NFYC: variants seen among roughly 807,000 people sequenced by gnomAD.
The protein encoded by NFYC is CAAT box DNA-binding protein subunit C.
Under a neutral mutation model 53.1 loss-of-function variants are expected in NFYC, and 25 were observed. The ratio of observed to expected loss-of-function variants is 0.47; its 90% CI spans 0.34 to 0.66. The LOEUF is 0.66. Among genes scored for constraint, NFYC ranks in the 30% least tolerant of loss-of-function variants. The probability of loss-of-function intolerance (pLI) is 0.01; values close to 1 mark genes in which losing one functional copy is unlikely to be tolerated. For synonymous variants in NFYC, 145 were observed against 152.6 expected (o/e 0.95, Z 0.37); for missense variants, 260 against 422.7 (o/e 0.62, Z 3.38).
At chr1:40,722,336 T>G (rs1332430160) in intron 1 of NFYC, among the ~76,000 whole-genome samples, 2 of 152,204 alleles carry the variant, frequency 1.3e-5, no homozygotes, top group East Asian at 3.8e-4. Context: ...TTGGAACTAG[T>G]ACATTTGTTC....
intron 1 of NFYC, among the ~76,000 whole-genome samples, chr1:40,719,512 T>C (rs962114983): frequency 6.6e-6 from 1 of 152,252 alleles, no homozygotes; most frequent in Non-Finnish European, 1.5e-5. Context: ...ATCTCCACTT[T>C]TGTTTGGTAG....
chr1:40,707,492 A>AT (rs1209367200), intron 1 of NFYC, among the ~76,000 whole-genome samples: 1 of 104,644 alleles, frequency 9.6e-6, no homozygotes, highest in East Asian at 2.4e-4. Flanking sequence ...AAAAAAAAAA[A>AT]AAGAGAGAGA....
chr1:40,706,311 G>T (rs1643690824), intron 1 of NFYC, among the ~76,000 whole-genome samples: 3 of 152,078 alleles, frequency 2.0e-5, no homozygotes, highest in African/African-American at 7.2e-5. Context: ...GAGGGGTAAA[G>T]TCTGTAATAT....
intron 2 of NFYC, among the ~76,000 whole-genome samples, chr1:40,745,214 T>C (rs1645547869): frequency 1.3e-5 from 2 of 152,192 alleles, no homozygotes; most frequent in African/African-American, 4.8e-5. Flanking sequence ...AAGAGGTCTT[T>C]TTTATCAACT....
intron 1 of NFYC, chr1:40,730,452 G>C: frequency 2.3e-6 from 1 of 432,380 alleles, no homozygotes; most frequent in Non-Finnish European, 3.1e-6. Flanking sequence ...AGGTAATAGG[G>C]AGGCCCGAGG....
intron 1 of NFYC, among the ~76,000 whole-genome samples, chr1:40,702,822 TATA>T (rs1431922409): frequency 2.0e-5 from 3 of 151,930 alleles, no homozygotes; most frequent in East Asian, 1.9e-4. Context: ...TTGATTTGCT[TATA>T]ATGTTTTTTG....
At chr1:40,696,282 T>C (rs1643141121) in intron 1 of NFYC, among the ~76,000 whole-genome samples, 1 of 152,182 alleles carries the variant, frequency 6.6e-6, no homozygotes, top group African/African-American at 2.4e-5. Context: ...TTCGGCCTCC[T>C]GAAGTGGTGG....
chr1:40,703,760 T>A (rs1227701872), intron 1 of NFYC, among the ~76,000 whole-genome samples: 1 of 152,208 alleles, frequency 6.6e-6, no homozygotes, highest in Non-Finnish European at 1.5e-5. Flanking sequence ...AAAATAGTTA[T>A]GTGTACCTGC....
In NFYC at chr1:40,770,922, C is replaced by G. The variant is rs1647058238; in HGVS notation, c.*94C>G. ...AGCCTTCCTCCCCAGAGGACCCGGCCGACCTCAGCGCCTCCTGCAGGCTAG... is the reference window on the plus strand; with the variant it reads ...AGCCTTCCTCCCCAGAGGACCCGGCGGACCTCAGCGCCTCCTGCAGGCTAG... On this transcript the variant is annotated 3_prime_UTR_variant, in exon 10 of 10. Transcript: ENST00000447388. The surrounding 1 kb of genome is among the most constrained non-coding windows in gnomAD (Gnocchi z 5.3). 7.3e-7 allele frequency: 1 copy of G among 1,370,106 alleles called. No homozygotes were observed. Among genetic ancestry groups the G allele is most frequent in the African/African-American group, 1.4e-5 (1 of 70,594 alleles). The allele number at this position is 1,370,106 out of a possible 1,614,324, so 84.9% of individuals were successfully genotyped here.
chr1:40,770,457 G>A lies in NFYC; in HGVS notation c.889-252G>A. The A allele has an allele frequency of 6.4e-7, 1 of 1,550,746 alleles. No individual in the cohort carries two copies. ...AACGGGAGAGGCAGAGCCCAGAGAAGTGAAAGCCACAGGAAATTCAACTCC... is the reference window on the plus strand; with the variant it reads ...AACGGGAGAGGCAGAGCCCAGAGAAATGAAAGCCACAGGAAATTCAACTCC... On this transcript the variant is annotated intron_variant, in intron 9 of 9. Coordinates refer to ENST00000447388, the MANE Select transcript of NFYC (RefSeq NM_014223.5). This position sits in a 1 kb window ranked among gnomAD's most constrained non-coding sequence, Gnocchi z 5.3.
chr1:40,737,890 G>A (rs1023693800), intron 1 of NFYC, among the ~76,000 whole-genome samples: 2 of 143,492 alleles, frequency 1.4e-5, no homozygotes, highest in Non-Finnish European at 3.0e-5. Flanking sequence ...GAAACTTAGC[G>A]TGCTCTCTCT....
intron 1 of NFYC, among the ~76,000 whole-genome samples, chr1:40,702,106 T>C (rs1193374654): frequency 6.6e-6 from 1 of 152,208 alleles, no homozygotes; most frequent in Non-Finnish European, 1.5e-5. Context: ...AAGCGAGTCT[T>C]TGCAGAATAA....
chr1:40,706,729 A>G (rs1643709801), intron 1 of NFYC, among the ~76,000 whole-genome samples: 1 of 152,158 alleles, frequency 6.6e-6, no homozygotes, highest in Non-Finnish European at 1.5e-5. Context: ...CTCTTAAAAA[A>G]CCGAAGCAGT....
At chr1:40,713,957 C>A (rs1359420111) in intron 1 of NFYC, among the ~76,000 whole-genome samples, 1 of 152,158 alleles carries the variant, frequency 6.6e-6, no homozygotes, top group Non-Finnish European at 1.5e-5. Context: ...CCTTTGGGAT[C>A]TGAAGATACC....
intron 1 of NFYC, among the ~76,000 whole-genome samples, chr1:40,718,347 T>C (rs1644213705): frequency 6.6e-6 from 1 of 152,236 alleles, no homozygotes; most frequent in Admixed American, 6.5e-5. Context: ...CTCTTTATAC[T>C]GCACTTTCTT....
chr1:40,727,212 T>TTTGGTTGG (rs537086608), intron 1 of NFYC, among the ~76,000 whole-genome samples: 2 of 152,010 alleles, frequency 1.3e-5, no homozygotes, highest in Non-Finnish European at 2.9e-5. Context: ...TGTTTGTTTG[T>TTTGGTTGG]TTGGTTGGTT....
chr1:40,724,169 A>C (rs957338898), intron 1 of NFYC, among the ~76,000 whole-genome samples: 2 of 152,206 alleles, frequency 1.3e-5, no homozygotes, highest in Admixed American at 1.3e-4. Context: ...CAGGAGTTCA[A>C]GACCAACCTG....
In NFYC at chr1:40,764,228, C is replaced by T. The variant is rs563721820; in HGVS notation, c.720+1182C>T. 3.9e-5 allele frequency among the ~76,000 whole-genome samples: 6 copies of T among 152,272 alleles called. No homozygotes were observed. In the South Asian group the frequency reaches 6.2e-4, roughly 16 times the overall value. On this transcript the variant is annotated intron_variant, in intron 7 of 9. Coordinates refer to ENST00000447388, the MANE Select transcript of NFYC (RefSeq NM_014223.5). ...TTTGCCATTTTTGTCATAAATGAAA[C>T]GTAGGCAGGTATAGAAACTCACGTA...
chr1:40,729,715 G>T (rs984041008), intron 1 of NFYC, among the ~76,000 whole-genome samples: 1 of 149,058 alleles, frequency 6.7e-6, no homozygotes, highest in South Asian at 2.1e-4. Flanking sequence ...TTGCACTGTC[G>T]CCCAGGCTGG....
Sources: allele counts gnomAD v4.1 joint callset (sites outside exome capture counted in the v4.1 genomes callset), GRCh38; gene constraint gnomAD v4.1.1; non-coding constraint Gnocchi (gnomAD v3.1); transcripts MANE v1.5; gene names NCBI Gene and HGNC (gene_info 2026-07-23, HGNC 2026-07-21).